A2ML1: variants seen among roughly 807,000 people sequenced by gnomAD.
A2ML1 encodes the protein alpha-2-macroglobulin like 1.
A2ML1 carries 161 observed loss-of-function variants against 181.9 expected under a neutral mutation model. The ratio of observed to expected loss-of-function variants is 0.89; its 90% confidence interval spans 0.78 to 1.01. The LOEUF is 1.01. Among genes scored for constraint, A2ML1 ranks in the 50% least tolerant of loss-of-function variants. A2ML1 has a pLI of 0.00. For missense variants in A2ML1, 1,670 were observed against 1,768.1 expected (o/e 0.94, Z 1.00); for synonymous variants, 663 against 666.8 (o/e 0.99, Z 0.09).
Position 8,851,843 on chromosome 12 carries a change from CGAT to C in A2ML1, c.2297_2299del (p.Met766del). The C allele has an allele frequency of 6.2e-7, 1 of 1,614,224 alleles. No individual in the cohort carries two copies. Among genetic ancestry groups the C allele is most frequent in the South Asian group, 1.1e-5 (1 of 91,084 alleles). The stretch of plus-strand genomic sequence containing the variant: ...CCTGACGCCATCACCGAGTGGAAGG[CGAT>C]GAGTTTCTGCACTTCCCAGTCAAGA... On this transcript the variant is annotated inframe_deletion, in exon 19 of 36. Coordinates refer to ENST00000299698, the MANE Select transcript of A2ML1 (RefSeq NM_144670.6).
rs1329164739 is a variant in A2ML1, at chr12:8,851,299, C to T, written c.2235-485C>T. ...CACCCCGACTCCCCACCATAGTCCC[C>T]CTCCTCCGTATGAGTGCAGCCTCAC... On this transcript the variant is annotated intron_variant, in intron 18 of 35. Transcript: ENST00000299698. 3.3e-5 allele frequency among the ~76,000 whole-genome samples: 5 copies of T among 152,300 alleles called. No individual in the cohort carries two copies. In the East Asian group the frequency reaches 7.7e-4, roughly 24 times the overall value.
intron 4 of A2ML1, 92 bp downstream of exon 4, chr12:8,829,871 G>T: frequency 2.7e-6 from 4 of 1,496,926 alleles, no homozygotes; most frequent in Non-Finnish European, 2.8e-6. Flanking sequence ...GCCTGGGCGT[G>T]GCAAGGCGAG....
chr12:8,850,112 C>T (rs761454482), intron 17 of A2ML1, 48 bp from the exon 18 acceptor site: 3 of 1,436,296 alleles, frequency 2.1e-6, no homozygotes, highest in African/African-American at 1.4e-5. Flanking sequence ...TATGTCACAA[C>T]AAGAAGTCTC....
At chr12:8,836,148 A>T in intron 6 of A2ML1, 107 bp from the exon 7 acceptor site, 1 of 840,138 alleles carries the variant, frequency 1.2e-6, no homozygotes, top group Non-Finnish European at 1.9e-6. Flanking sequence ...TGCCTCCTTC[A>T]TTAGATCCAT....
At chr12:8,845,673 C>T (rs750763354) in intron 13 of A2ML1, among the ~76,000 whole-genome samples, 171 bp downstream of exon 13, 2 of 151,890 alleles carry the variant, frequency 1.3e-5, no homozygotes, top group African/African-American at 4.8e-5. Context: ...TGGTGAAACC[C>T]CGTCTCTACT....
At chr12:8,823,962 G>T in intron 3 of A2ML1, 80 bp downstream of exon 3, 1 of 1,482,854 alleles carries the variant, frequency 6.7e-7, no homozygotes, top group South Asian at 1.5e-5. Context: ...TTTGTGGTTT[G>T]ACAGTAGGCT....
At chr12:8,855,947 A>G (rs961341209) in intron 23 of A2ML1, among the ~76,000 whole-genome samples, 5 of 152,216 alleles carry the variant, frequency 3.3e-5, no homozygotes, top group African/African-American at 9.7e-5. Flanking sequence ...AGATACAACC[A>G]TATTTACAAT....
chr12:8,872,544 G>A (rs1054890427), intron 33 of A2ML1, among the ~76,000 whole-genome samples: 1 of 151,992 alleles, frequency 6.6e-6, no homozygotes, highest in African/African-American at 2.4e-5. Flanking sequence ...CACTTTGGGA[G>A]GCCGAGGCGG....
At chr12:8,865,879 C>G (rs1031628697) in intron 29 of A2ML1, among the ~76,000 whole-genome samples, 4 of 152,138 alleles carry the variant, frequency 2.6e-5, no homozygotes, top group Non-Finnish European at 4.4e-5. Flanking sequence ...ACAGAAATAA[C>G]TAAGAAAATA....
At chr12:8,853,828 G>C (rs937209667) in intron 20 of A2ML1, among the ~76,000 whole-genome samples, 1 of 152,248 alleles carries the variant, frequency 6.6e-6, no homozygotes, top group Admixed American at 6.5e-5. Flanking sequence ...CTTTCACCCT[G>C]TTCTCTTTAA....
chr12:8,874,001 T>C (rs1446610437), intron 33 of A2ML1, among the ~76,000 whole-genome samples: 1 of 152,068 alleles, frequency 6.6e-6, no homozygotes, highest in African/African-American at 2.4e-5. Context: ...AGAGAATCTT[T>C]TTTTAATTAA....
downstream of A2ML1, among the ~76,000 whole-genome samples, chr12:8,879,470 G>C (rs949801842): frequency 3.3e-5 from 5 of 151,950 alleles, no homozygotes; most frequent in Admixed American, 1.3e-4. Flanking sequence ...CAGCCTGGGG[G>C]ACAGAGTGAG....
Position 8,868,030 on chromosome 12 carries a change from C to T in A2ML1, c.3906C>T (p.Ala1302=). 1.2e-6 allele frequency: 2 copies of T among 1,614,246 alleles called. No individual in the cohort carries two copies. The change falls in exon 30 of 36, where the codon GCC becomes GCT. Residue 1302 remains alanine (A), a synonymous_variant. Coordinates refer to ENST00000299698, the MANE Select transcript of A2ML1 (RefSeq NM_144670.6). ...TCCCTGGAATGTACACGTTGGAGGC[C>T]TCAGGCCAGGGCTGTGTCTATGTGC... ...PNVPGMYTLE[A]SGQGCVYVQT...
chr12:8,827,465 CTT>C (rs1211192308), intron 3 of A2ML1, among the ~76,000 whole-genome samples: 16 of 150,854 alleles, frequency 1.1e-4, no homozygotes, highest in Admixed American at 9.9e-4. Context: ...TTTTTTTTCT[CTT>C]TGTTAAATTT....
At chr12:8,839,283 T>C (rs1301522770) in intron 10 of A2ML1, 61 bp downstream of exon 10, 2 of 1,217,188 alleles carry the variant, frequency 1.6e-6, no homozygotes, top group Non-Finnish European at 2.4e-6. Context: ...TTTGCCTCCT[T>C]CCTGCAGCCA....
chr12:8,846,693 C>G (rs1054536387), intron 14 of A2ML1, among the ~76,000 whole-genome samples: 1 of 152,070 alleles, frequency 6.6e-6, no homozygotes, highest in African/African-American at 2.4e-5. Context: ...TGCCTGCAAT[C>G]CCAGCTACTT....
chr12:8,877,813 A>C (rs532214696), downstream of A2ML1, among the ~76,000 whole-genome samples: 2 of 152,228 alleles, frequency 1.3e-5, no homozygotes, highest in Non-Finnish European at 2.9e-5. Context: ...TTAACATTCA[A>C]CCCAGCAATC....
intron 23 of A2ML1, among the ~76,000 whole-genome samples, chr12:8,856,077 C>G (rs1944053577): frequency 1.3e-5 from 2 of 152,184 alleles, no homozygotes; most frequent in Admixed American, 1.3e-4. Flanking sequence ...GTGAACAGTT[C>G]TGGGCCTTCT....
At chr12:8,823,664 T>C in intron 2 of A2ML1, 56 bp from the exon 3 acceptor site, 1 of 1,573,056 alleles carries the variant, frequency 6.4e-7, no homozygotes, top group East Asian at 2.2e-5. Context: ...TTGAGACCAG[T>C]TGATTCTGTT....
Sources: gnomAD v4.1 joint callset for allele counts (sites outside exome capture counted in the v4.1 genomes callset) on GRCh38, gnomAD v4.1.1 for gene constraint, MANE v1.5 for transcripts, NCBI Gene and HGNC (gene_info 2026-07-23, HGNC 2026-07-21) for gene names.